Variants in SH3GL2 observed in about 807,000 individuals in gnomAD.
The protein encoded by SH3GL2 is endophilin-A1.
A neutral mutation model predicts 46.0 loss-of-function variants in SH3GL2; 24 were observed. That is an observed-to-expected ratio of 0.52 (90% CI 0.38 to 0.73). SH3GL2 has a LOEUF of 0.73. Among genes scored for constraint, SH3GL2 ranks in the 30% least tolerant of loss-of-function variants. The pLI, the probability that SH3GL2 is intolerant of heterozygous loss-of-function variation, is 0.00. For missense variants in SH3GL2, 413 were observed against 424.2 expected, an observed-to-expected ratio of 0.97 and a Z score of 0.23; for synonymous variants, 196 against 147.1, an observed-to-expected ratio of 1.33 and a Z score of -2.40.
At chr9:17,678,192 T>A (rs1323726768) in intron 1 of SH3GL2, among the ~76,000 whole-genome samples, 1 of 152,014 alleles carries the variant, frequency 6.6e-6, no homozygotes, top group Non-Finnish European at 1.5e-5. Flanking sequence ...TAGTTCTAGA[T>A]CCCTGAGGAA....
chr9:17,609,033 G>A (rs1052584639), intron 1 of SH3GL2, among the ~76,000 whole-genome samples: 1 of 152,176 alleles, frequency 6.6e-6, no homozygotes, highest in Admixed American at 6.5e-5. Flanking sequence ...GTGTCACACC[G>A]CTGGGGGAAT....
At chr9:17,744,352 A>C (rs1008937037) in intron 1 of SH3GL2, among the ~76,000 whole-genome samples, 3 of 151,558 alleles carry the variant, frequency 2.0e-5, no homozygotes, top group South Asian at 4.2e-4. Flanking sequence ...ATGCTCGTCA[A>C]CTCACTGGCA....
intron 1 of SH3GL2, among the ~76,000 whole-genome samples, chr9:17,731,846 A>G (rs974508947): frequency 2.0e-5 from 3 of 152,094 alleles, no homozygotes; most frequent in African/African-American, 7.2e-5. Flanking sequence ...TGGAGGAGCT[A>G]TGCTTTCCCT....
intron 1 of SH3GL2, among the ~76,000 whole-genome samples, chr9:17,705,641 T>C (rs1821451885): frequency 6.6e-6 from 1 of 152,066 alleles, no homozygotes. Flanking sequence ...AATGAAATCA[T>C]GTCCTTTGCA....
intron 1 of SH3GL2, among the ~76,000 whole-genome samples, chr9:17,666,524 C>T (rs964544237): frequency 6.7e-6 from 1 of 149,800 alleles, no homozygotes; most frequent in African/African-American, 2.5e-5. Flanking sequence ...TCTTTTCCCA[C>T]TCTTTCATAC....
intron 3 of SH3GL2, among the ~76,000 whole-genome samples, chr9:17,782,973 A>T (rs1049838859): frequency 6.6e-6 from 1 of 152,064 alleles, no homozygotes; most frequent in African/African-American, 2.4e-5. Flanking sequence ...GGAAACACGC[A>T]AGGAAGGGAC....
intron 1 of SH3GL2, among the ~76,000 whole-genome samples, chr9:17,731,714 GT>G (rs1822189155): frequency 6.6e-6 from 1 of 152,142 alleles, no homozygotes; most frequent in African/African-American, 2.4e-5. Context: ...CCTCATCGCT[GT>G]TAGGATGGAA....
intron 2 of SH3GL2, among the ~76,000 whole-genome samples, chr9:17,748,772 C>G (rs547533352): frequency 6.6e-6 from 1 of 152,194 alleles, no homozygotes; most frequent in Admixed American, 6.5e-5. Context: ...AGGAGGAAAA[C>G]TAATGGAGCT....
intron 1 of SH3GL2, among the ~76,000 whole-genome samples, chr9:17,643,696 G>A (rs1410373520): frequency 2.0e-5 from 3 of 152,192 alleles, no homozygotes; most frequent in Non-Finnish European, 4.4e-5. Flanking sequence ...CTTGATCGTG[G>A]TGGATAAGCT....
intron 1 of SH3GL2, among the ~76,000 whole-genome samples, chr9:17,642,529 A>G (rs1206440956): frequency 1.3e-5 from 2 of 152,158 alleles, no homozygotes; most frequent in African/African-American, 4.8e-5. Flanking sequence ...TAATTTTTGT[A>G]TAAGTTGTAA....
chr9:17,609,724 C>G (rs1169613756), intron 1 of SH3GL2, among the ~76,000 whole-genome samples: 1 of 152,190 alleles, frequency 6.6e-6, no homozygotes, highest in Non-Finnish European at 1.5e-5. Flanking sequence ...AACATTTGTT[C>G]TCTAAAAGAA....
intron 1 of SH3GL2, among the ~76,000 whole-genome samples, chr9:17,732,100 C>T (rs1478731936): frequency 1.3e-5 from 2 of 152,130 alleles, no homozygotes; most frequent in Non-Finnish European, 2.9e-5. Context: ...AGTAGGCCAA[C>T]TCACTTTCAC....
intron 1 of SH3GL2, among the ~76,000 whole-genome samples, chr9:17,638,686 A>T (rs1389298301): frequency 6.6e-6 from 1 of 152,216 alleles, no homozygotes; most frequent in Non-Finnish European, 1.5e-5. Flanking sequence ...AGGCCATACC[A>T]CCAGCCTCTA....
intron 3 of SH3GL2, among the ~76,000 whole-genome samples, chr9:17,771,933 C>G (rs909055197): frequency 2.0e-5 from 3 of 152,138 alleles, no homozygotes; most frequent in Admixed American, 1.3e-4. Context: ...TTCTCAGTGT[C>G]TTCTAATAGT....
chr9:17,774,391 T>G (rs965749710), intron 3 of SH3GL2, among the ~76,000 whole-genome samples: 1 of 152,174 alleles, frequency 6.6e-6, no homozygotes, highest in African/African-American at 2.4e-5. Flanking sequence ...GCTTTCAGTC[T>G]TTCACCATTT....
chr9:17,733,740 A>C (rs1822249708), intron 1 of SH3GL2, among the ~76,000 whole-genome samples: 1 of 152,172 alleles, frequency 6.6e-6, no homozygotes, highest in Admixed American at 6.5e-5. Flanking sequence ...ACAATGATAG[A>C]CTGGATTAAG....
At chr9:17,656,065 C>T (rs537246928) in intron 1 of SH3GL2, among the ~76,000 whole-genome samples, 1 of 152,262 alleles carries the variant, frequency 6.6e-6, no homozygotes, top group African/African-American at 2.4e-5. Context: ...AGTTAAAACT[C>T]AGTCTCTTAG....
rs562556645 is a variant in SH3GL2 at position 17,639,188 on chromosome 9, A to G, written c.45+59901A>G. Among the ~76,000 whole-genome samples, 4 of 152,376 alleles carry G rather than the reference A, an allele frequency of 2.6e-5. No individual in the cohort carries two copies. The South Asian group carries it at 8.3e-4, about 32-fold the overall frequency. ...ATTTTAAAAGACATGGAAGGCATGA[A>G]CTGCAAAAGAAAAAAGTGGTAAATT... On this transcript the variant is annotated intron_variant, in intron 1 of 8. Transcript: ENST00000380607.
chr9:17,693,877 C>T (rs1325651106), intron 1 of SH3GL2, among the ~76,000 whole-genome samples: 1 of 152,140 alleles, frequency 6.6e-6, no homozygotes, highest in Non-Finnish European at 1.5e-5. Context: ...TTAGAGCTTT[C>T]ATGGTAATAA....
Sources: allele counts gnomAD v4.1 joint callset (sites outside exome capture counted in the v4.1 genomes callset), GRCh38; gene constraint gnomAD v4.1.1; transcripts MANE v1.5; gene names NCBI Gene and HGNC (gene_info 2026-07-23, HGNC 2026-07-21).